The following ASAP1 variants were observed in gnomAD, a reference collection of about 807,000 sequenced individuals.
ASAP1 encodes the protein arf-GAP with SH3 domain, ANK repeat and PH domain-containing protein 1.
ASAP1 carries 43 observed loss-of-function variants against 145.2 expected under a neutral mutation model. The ratio of observed to expected loss-of-function variants is 0.30; its 90% CI spans 0.23 to 0.38. ASAP1 has a LOEUF of 0.38. ASAP1 is among the 10% of genes least tolerant of loss of function. The pLI, the probability that ASAP1 is intolerant of heterozygous loss-of-function variation, is 1.00. For synonymous variants in ASAP1, 546 were observed against 515.5 expected (o/e 1.06, Z -0.80); for missense variants, 1,018 against 1,355.3 (o/e 0.75, Z 3.91).
chr8:130,302,788 T>G (rs1822758586), intron 3 of ASAP1, among the ~76,000 whole-genome samples: 1 of 152,170 alleles, frequency 6.6e-6, no homozygotes, highest in Non-Finnish European at 1.5e-5. Context: ...CATGTACCAA[T>G]GTACCTTTAT....
chr8:130,224,945 C>G (rs112959173), intron 4 of ASAP1, among the ~76,000 whole-genome samples: 3,075 of 152,290 alleles, frequency 0.02, 101 homozygotes, highest in African/African-American at 0.069. Context: ...ACATTCCCAA[C>G]AGCAATGCAC....
rs539303253 is a variant in ASAP1, at chr8:130,173,682, C to T, written c.747-4615G>A. ...ACTTGGGAGACTGAGGTGGGTGGATCGCTTGAACCCAGGAGGTTGAAGCTG... is the reference window on the plus strand; with the variant it reads ...ACTTGGGAGACTGAGGTGGGTGGATTGCTTGAACCCAGGAGGTTGAAGCTG... On this transcript the variant is annotated intron_variant, in intron 9 of 29. Coordinates refer to ENST00000518721, the MANE Select transcript of ASAP1 (RefSeq NM_018482.4). Among the ~76,000 whole-genome samples, 7 of 150,904 alleles carry T rather than the reference C, an allele frequency of 4.6e-5. No homozygotes were observed. In the East Asian group the frequency reaches 9.8e-4, roughly 21 times the overall value.
chr8:130,264,191 C>T (rs1243807820), intron 3 of ASAP1, among the ~76,000 whole-genome samples: 1 of 152,150 alleles, frequency 6.6e-6, no homozygotes, highest in African/African-American at 2.4e-5. Flanking sequence ...AACCTAAAGG[C>T]AAATCAAATC....
intron 2 of ASAP1, among the ~76,000 whole-genome samples, chr8:130,368,287 A>C (rs766116045): frequency 6.6e-6 from 1 of 152,174 alleles, no homozygotes; most frequent in Non-Finnish European, 1.5e-5. Context: ...TTTCAATATC[A>C]TGGGGGGTTT....
chr8:130,419,771 T>G (rs1022516825), intron 1 of ASAP1, among the ~76,000 whole-genome samples: 4 of 152,114 alleles, frequency 2.6e-5, no homozygotes, highest in African/African-American at 9.7e-5. Context: ...TAGGGGTCAC[T>G]GTGAAACGGC....
At chr8:130,095,756 C>A (rs1307399860) in intron 24 of ASAP1, among the ~76,000 whole-genome samples, 1 of 151,684 alleles carries the variant, frequency 6.6e-6, no homozygotes, top group African/African-American at 2.4e-5. Flanking sequence ...GTAGCTGGGA[C>A]TACAGGTGCA....
intron 9 of ASAP1, among the ~76,000 whole-genome samples, chr8:130,170,919 T>C (rs1428748798): frequency 2.0e-5 from 3 of 152,084 alleles, no homozygotes; most frequent in African/African-American, 4.8e-5. Flanking sequence ...TTTTGCCACA[T>C]TGCTTGGGCT....
chr8:130,380,296 C>T (rs1827707084), intron 2 of ASAP1, among the ~76,000 whole-genome samples: 1 of 152,212 alleles, frequency 6.6e-6, no homozygotes, highest in South Asian at 2.1e-4. Flanking sequence ...AGCTGTGCAC[C>T]TGAGAAGCAG....
chr8:130,278,982 A>G (rs1821092850), intron 3 of ASAP1, among the ~76,000 whole-genome samples: 1 of 152,202 alleles, frequency 6.6e-6, no homozygotes, highest in East Asian at 1.9e-4. Context: ...GGAACCCTCA[A>G]ACCCATTTCA....
At chr8:130,399,864 TGG>T (rs1828700490) in intron 2 of ASAP1, among the ~76,000 whole-genome samples, 1 of 116,504 alleles carries the variant, frequency 8.6e-6, no homozygotes, top group Non-Finnish European at 1.8e-5. Flanking sequence ...TTGCCCAGGC[TGG>T]AGTAGTACAA....
chr8:130,296,745 C>A (rs537766878), intron 3 of ASAP1, among the ~76,000 whole-genome samples: 5 of 151,424 alleles, frequency 3.3e-5, no homozygotes, highest in African/African-American at 1.2e-4. Context: ...ACAAGGCCGA[C>A]TACAGAATTA....
At chr8:130,370,435 C>A (rs775997799) in intron 2 of ASAP1, among the ~76,000 whole-genome samples, 1 of 152,194 alleles carries the variant, frequency 6.6e-6, no homozygotes, top group Non-Finnish European at 1.5e-5. Flanking sequence ...ATGCTGGTAC[C>A]CTGATCTCAG....
chr8:130,240,290 T>G (rs1818445574), intron 3 of ASAP1, among the ~76,000 whole-genome samples: 2 of 152,074 alleles, frequency 1.3e-5, no homozygotes, highest in African/African-American at 4.8e-5. Context: ...GTCAGGTAAG[T>G]CTAGGTGACA....
Position 130,053,521 on chromosome 8 carries a change from TGG to T in ASAP1, c.*1208_*1209del, listed in dbSNP as rs2097397355. On this transcript the variant is annotated 3_prime_UTR_variant, in exon 30 of 30. Transcript: ENST00000518721. ...ACTTGGTTATGAATTGACTTGAAGG[TGG>T]ACAGAGCTTAAGACTGGAAAAATTA... 1 of 152,202 alleles carries T rather than the reference TGG, an allele frequency of 6.6e-6. No individual in the cohort carries two copies. The highest frequency in any genetic ancestry group is 1.5e-5 in the Non-Finnish European group (1 of 68,032). The allele number at this position is 152,202 out of a possible 1,614,324, so 9.4% of individuals were successfully genotyped here.
At chr8:130,415,780 C>CA (rs1194904074) in intron 1 of ASAP1, among the ~76,000 whole-genome samples, 4,480 of 97,356 alleles carry the variant, frequency 0.046, 88 homozygotes, top group Middle Eastern at 0.075. Flanking sequence ...AACTCCATCT[C>CA]AAAAAAAAAA....
rs562782339 is a variant in ASAP1 at position 130,405,055 on chromosome 8, A to G, written c.-27-3085T>C. On this transcript the variant is annotated intron_variant, in intron 1 of 29. Transcript: ENST00000518721. ...GCATGAAGATACATATCTGCTGTCA[A>G]ACAAGCCTCTGAAATCCTGAGGTTT... 2.0e-5 allele frequency among the ~76,000 whole-genome samples: 3 copies of G among 152,176 alleles called. No homozygotes were observed. The South Asian group carries it at 6.2e-4, about 31-fold the overall frequency.
chr8:130,301,516 A>G (rs756080104), intron 3 of ASAP1, among the ~76,000 whole-genome samples: 2 of 152,216 alleles, frequency 1.3e-5, no homozygotes, highest in Non-Finnish European at 2.9e-5. Context: ...GGTTGAATGA[A>G]TGAAAAAAGT....
chr8:130,119,659 TG>T (rs1331077792), intron 18 of ASAP1, among the ~76,000 whole-genome samples: 1 of 152,200 alleles, frequency 6.6e-6, no homozygotes, highest in East Asian at 1.9e-4. Context: ...TGGATCCAGC[TG>T]TACCTGAATC....
intron 25 of ASAP1, among the ~76,000 whole-genome samples, chr8:130,081,621 A>T (rs1372472376): frequency 6.6e-6 from 1 of 152,138 alleles, no homozygotes; most frequent in Non-Finnish European, 1.5e-5. Flanking sequence ...ACTACACTGC[A>T]CATCTGCTCA....
Sources: allele counts gnomAD v4.1 joint callset (sites outside exome capture counted in the v4.1 genomes callset), GRCh38; gene constraint gnomAD v4.1.1; transcripts MANE v1.5; gene names NCBI Gene and HGNC (gene_info 2026-07-23, HGNC 2026-07-21).